UTS2: variants seen among roughly 807,000 people sequenced by gnomAD.
UTS2 encodes urotensin 2.
A neutral mutation model predicts 12.6 loss-of-function variants in UTS2; 10 were observed. The ratio of observed to expected loss-of-function variants is 0.80; its 90% CI spans 0.49 to 1.35. The LOEUF (loss-of-function observed/expected upper bound fraction) is 1.35, where lower values mean the gene tolerates loss of function less well. UTS2 is among the 40% of genes most tolerant of loss of function. The pLI, the probability that UTS2 is intolerant of heterozygous loss-of-function variation, is 0.00. For missense variants in UTS2, 142 were observed against 143.2 expected (o/e 0.99, Z 0.04); for synonymous variants, 52 against 50.0 (o/e 1.04, Z -0.17).
the UTS2 span, among the ~76,000 whole-genome samples, chr1:7,873,948 A>G: frequency 6.6e-6 from 1 of 152,112 alleles, no homozygotes; most frequent in African/African-American, 2.4e-5. Flanking sequence ...AATGGTAAGA[A>G]ACATTCTTCA....
chr1:7,901,703 C>T, the UTS2 span, among the ~76,000 whole-genome samples: 1 of 151,672 alleles, frequency 6.6e-6, no homozygotes, highest in African/African-American at 2.4e-5. Flanking sequence ...CTTCATTTTA[C>T]AAATGAGGAA....
chr1:7,895,369 C>CAA, the UTS2 span, among the ~76,000 whole-genome samples: 48 of 150,248 alleles, frequency 3.2e-4, no homozygotes, highest in East Asian at 2.8e-3. Context: ...GACTCCATCC[C>CAA]AAAAAAATAA....
chr1:7,882,248 T>C, the UTS2 span, among the ~76,000 whole-genome samples: 2 of 152,084 alleles, frequency 1.3e-5, no homozygotes, highest in African/African-American at 4.8e-5. Flanking sequence ...GGTGGAAGTA[T>C]TGCTTGAGCC....
the UTS2 span, among the ~76,000 whole-genome samples, chr1:7,910,176 T>G: frequency 6.6e-6 from 1 of 152,104 alleles, no homozygotes; most frequent in Non-Finnish European, 1.5e-5. Flanking sequence ...AAGGCTACCA[T>G]GAAACATGAA....
At chr1:7,850,771 C>A (rs552387361) in intron 2 of UTS2, 41 bp downstream of exon 2, 1 of 1,588,162 alleles carries the variant, frequency 6.3e-7, no homozygotes, top group Non-Finnish European at 8.6e-7. Context: ...AGTTCAGTAG[C>A]AATTAAATCA....
chr1:7,855,312 G>A (rs542015960), upstream of UTS2, among the ~76,000 whole-genome samples: 4 of 151,728 alleles, frequency 2.6e-5, no homozygotes, highest in East Asian at 5.9e-4. Flanking sequence ...AGCAAGGCGC[G>A]GTGGCTCACG....
the UTS2 span, among the ~76,000 whole-genome samples, chr1:7,860,013 CATATAT>C: frequency 1.3e-5 from 2 of 151,358 alleles, no homozygotes; most frequent in Admixed American, 1.3e-4. Flanking sequence ...AAAATGCATA[CATATAT>C]ATATAGCAAT....
At chr1:7,913,085 AGCAT>A in the UTS2 span, among the ~76,000 whole-genome samples, 1 of 151,026 alleles carries the variant, frequency 6.6e-6, no homozygotes, top group Non-Finnish European at 1.5e-5. Flanking sequence ...TACAAACCAA[AGCAT>A]GCATGCCTGC....
chr1:7,901,421 G>A, the UTS2 span, among the ~76,000 whole-genome samples: 674 of 152,306 alleles, frequency 4.4e-3, 7 homozygotes, highest in African/African-American at 0.015. Flanking sequence ...GGAGGTGGAA[G>A]GAGCTGCTTT....
the UTS2 span, among the ~76,000 whole-genome samples, chr1:7,862,529 G>A: frequency 2.0e-5 from 3 of 152,050 alleles, no homozygotes; most frequent in Non-Finnish European, 4.4e-5. Context: ...TCACAGTTCT[G>A]CAGCTTGTAC....
the UTS2 span, among the ~76,000 whole-genome samples, chr1:7,893,057 T>G: frequency 1.3e-5 from 2 of 152,234 alleles, no homozygotes; most frequent in African/African-American, 4.8e-5. Context: ...TCCTAGCTCG[T>G]AGCACAAGGA....
chr1:7,898,769 A>G, the UTS2 span, among the ~76,000 whole-genome samples: 1 of 152,026 alleles, frequency 6.6e-6, no homozygotes, highest in African/African-American at 2.4e-5. Context: ...TTTGGTCCAG[A>G]GCTAGGGACA....
At chr1:7,886,169 C>G in the UTS2 span, among the ~76,000 whole-genome samples, 2 of 152,046 alleles carry the variant, frequency 1.3e-5, no homozygotes, top group Non-Finnish European at 2.9e-5. Flanking sequence ...CACTCTGAGT[C>G]TCCCCGGGAG....
At chr1:7,857,030 C>T (rs1409226299), upstream of UTS2, among the ~76,000 whole-genome samples, 5 of 150,488 alleles carry the variant, frequency 3.3e-5, no homozygotes, top group Non-Finnish European at 5.9e-5. Context: ...CATTGCACTC[C>T]AGCCTGGGCC....
At chr1:7,901,634 A>ATG in the UTS2 span, among the ~76,000 whole-genome samples, 1 of 144,972 alleles carries the variant, frequency 6.9e-6, no homozygotes, top group Non-Finnish European at 1.5e-5. Context: ...GTGTGTGTAT[A>ATG]TATATATTTA....
At chr1:7,862,436 C>T in the UTS2 span, among the ~76,000 whole-genome samples, 3 of 150,384 alleles carry the variant, frequency 2.0e-5, no homozygotes, top group East Asian at 2.1e-4. Context: ...AAATTAATTG[C>T]GGTTTTTGCC....
the UTS2 span, among the ~76,000 whole-genome samples, chr1:7,861,769 T>C: frequency 6.6e-6 from 1 of 152,076 alleles, no homozygotes; most frequent in East Asian, 1.9e-4. Context: ...GGTGGTTAGG[T>C]ACAGCGTCTG....
At chr1:7,878,517 G>T in the UTS2 span, among the ~76,000 whole-genome samples, 1 of 152,078 alleles carries the variant, frequency 6.6e-6, no homozygotes, top group Admixed American at 6.6e-5. Flanking sequence ...TTAAAATGAC[G>T]AAAATAAGTT....
intron 3 of UTS2, among the ~76,000 whole-genome samples, chr1:7,848,248 G>C (rs1313527221): frequency 3.3e-5 from 5 of 152,018 alleles, no homozygotes; most frequent in Non-Finnish European, 7.4e-5. Flanking sequence ...AAGAGTTTGA[G>C]ACCAGCCTGG....
Sources: gnomAD v4.1 joint callset for allele counts (sites outside exome capture counted in the v4.1 genomes callset) on GRCh38, gnomAD v4.1.1 for gene constraint, MANE v1.5 for transcripts, NCBI Gene and HGNC (gene_info 2026-07-23, HGNC 2026-07-21) for gene names.